The following APBA2 variants were observed in gnomAD, a reference collection of about 807,000 sequenced individuals.
APBA2 encodes the protein amyloid beta precursor protein binding family A member 2, also known as amyloid-beta A4 precursor protein-binding family A member 2.
APBA2 carries 30 observed loss-of-function variants against 75.0 expected under a neutral mutation model. That is an observed-to-expected ratio of 0.40 (90% CI 0.30 to 0.54). APBA2 has a LOEUF of 0.54. APBA2 is among the 20% of genes least tolerant of loss of function. The pLI, the probability that APBA2 is intolerant of heterozygous loss-of-function variation, is 0.49. For synonymous variants in APBA2, 444 were observed against 409.6 expected, an observed-to-expected ratio of 1.08 and a Z score of -1.01; for missense variants, 801 against 1,016.1, an observed-to-expected ratio of 0.79 and a Z score of 2.88.
At chr15:29,029,654 G>A (rs890567189) in intron 3 of APBA2, among the ~76,000 whole-genome samples, 10 of 152,052 alleles carry the variant, frequency 6.6e-5, no homozygotes, top group Non-Finnish European at 1.5e-4. Context: ...GTTCTGTGTG[G>A]TATCGTGGGG....
chr15:29,117,947 T>C lies in APBA2; in HGVS notation c.*814T>C, dbSNP rs1461695038. ...ATCGATCTACACACATCCACGCACA[T>C]GCGACCCCGAGGAAACGAAACCCAC... On this transcript the variant is annotated 3_prime_UTR_variant, in exon 15 of 15. Coordinates refer to ENST00000683413, the MANE Select transcript of APBA2 (RefSeq NM_001353788.2). 6 of 151,588 alleles carry C rather than the reference T, an allele frequency of 4.0e-5. No individual in the cohort carries two copies. Among genetic ancestry groups the C allele is most frequent in the Admixed American group, 3.3e-4 (5 of 15,176 alleles). The allele number at this position is 151,588 out of a possible 1,614,324, so 9.4% of individuals were successfully genotyped here.
At chr15:29,027,082 T>A (rs1458187829) in intron 3 of APBA2, among the ~76,000 whole-genome samples, 1 of 152,260 alleles carries the variant, frequency 6.6e-6, no homozygotes, top group Non-Finnish European at 1.5e-5. Flanking sequence ...ACGTGTTAGT[T>A]TTTAATGCTA....
At chr15:29,039,898 C>T (rs59165345) in intron 3 of APBA2, among the ~76,000 whole-genome samples, 32,298 of 152,040 alleles carry the variant, frequency 0.21, 4,333 homozygotes, top group East Asian at 0.44. Context: ...GCAACCCCAT[C>T]GGGAAGGGGG....
intron 4 of APBA2, among the ~76,000 whole-genome samples, chr15:29,068,922 T>C (rs11070421): frequency 6.6e-6 from 1 of 151,956 alleles, no homozygotes; most frequent in African/African-American, 2.4e-5. Flanking sequence ...GTGGCATTTA[T>C]CACAATGTTG....
chr15:28,948,381 G>GA (rs57863257), intron 2 of APBA2, among the ~76,000 whole-genome samples: 41,725 of 146,054 alleles, frequency 0.29, 9,252 homozygotes, highest in African/African-American at 0.6. Flanking sequence ...ATTATTTTTG[G>GA]AAAAAAAAAA....
rs146503926 is a variant in APBA2 at position 28,940,397 on chromosome 15, G to A, written c.-95+18648G>A. ...AAAAAAAAAAAAAAAATAGCGGGGC[G>A]TGGTGGCAGGCACCTGTAGTCCCAG... On this transcript the variant is annotated intron_variant, in intron 2 of 14. Transcript: ENST00000683413. Among the ~76,000 whole-genome samples the A allele has an allele frequency of 4.3e-3, 627 of 144,426 alleles. 8 individuals carry two copies. Among genetic ancestry groups the A allele is most frequent in the African/African-American group, 0.015 (593 of 39,080 alleles). The allele number at this position is 144,426 out of a possible 152,430, so 94.7% of individuals were successfully genotyped here. A position where few individuals can be genotyped will look rare whatever the true frequency, so the allele number is the denominator to read the frequency against.
chr15:29,019,111 T>C (rs1227018460), intron 3 of APBA2, among the ~76,000 whole-genome samples: 2 of 152,152 alleles, frequency 1.3e-5, no homozygotes. Context: ...GGGAAAAAAG[T>C]AAGCAGAGGA....
intron 2 of APBA2, among the ~76,000 whole-genome samples, chr15:28,925,906 T>C (rs917093607): frequency 6.6e-6 from 1 of 152,180 alleles, no homozygotes; most frequent in African/African-American, 2.4e-5. Flanking sequence ...TAAAAATTGA[T>C]TTTTCTCTCA....
At chr15:28,969,131 T>TCTTTCTTTCTTTCTTTCTTTCTTTCTTG (rs2036903708) in intron 2 of APBA2, among the ~76,000 whole-genome samples, 2 of 45,726 alleles carry the variant, frequency 4.4e-5, no homozygotes, top group African/African-American at 1.6e-3. Context: ...CATTTCTTTT[T>TCTTTCTTTCTTTCTTTCTTTCTTTCTTG]CTTTCTTTCT....
intron 6 of APBA2, among the ~76,000 whole-genome samples, chr15:29,092,345 G>A (rs996298236): frequency 6.6e-6 from 1 of 152,184 alleles, no homozygotes; most frequent in African/African-American, 2.4e-5. Context: ...GGTTGGATAT[G>A]ACTCTAACAT....
At chr15:28,903,215 C>T (rs1043154541) in intron 1 of APBA2, among the ~76,000 whole-genome samples, 6 of 152,214 alleles carry the variant, frequency 3.9e-5, no homozygotes, top group African/African-American at 1.4e-4. Context: ...ACTTGATCCC[C>T]TGATCAGCCC....
chr15:29,069,379 A>C (rs2042519430), intron 4 of APBA2, among the ~76,000 whole-genome samples: 1 of 152,218 alleles, frequency 6.6e-6, no homozygotes, highest in Non-Finnish European at 1.5e-5. Flanking sequence ...TATCACTAGG[A>C]GTGGAATTCC....
At chr15:28,953,101 G>GA (rs2035977783) in intron 2 of APBA2, among the ~76,000 whole-genome samples, 1 of 152,154 alleles carries the variant, frequency 6.6e-6, no homozygotes, top group African/African-American at 2.4e-5. Flanking sequence ...CTCCATCTGG[G>GA]TTTTGCAGGC....
At chr15:28,930,127 G>GC (rs2034485724) in intron 2 of APBA2, among the ~76,000 whole-genome samples, 1 of 152,178 alleles carries the variant, frequency 6.6e-6, no homozygotes, top group African/African-American at 2.4e-5. Flanking sequence ...TGACAGTGCA[G>GC]CCCCCCAACC....
At position 28,885,981 on chromosome 15, in the gene APBA2, C is replaced by T. The variant is rs1038953756; in HGVS notation, c.-502C>T. On this transcript the variant is annotated 5_prime_UTR_variant, in exon 1 of 15. Transcript: ENST00000683413. ...GAATCGTTTTCCGGCCCCAGTGTGC[C>T]CGGCGCGGGTGAGGCGGAAGCGGCC... is the stretch of plus-strand genomic sequence containing the variant. 2 of 151,220 alleles carry T rather than the reference C, an allele frequency of 1.3e-5. No individual in the cohort carries two copies. The highest frequency in any genetic ancestry group is 2.4e-5 in the African/African-American group (1 of 41,314). 9.4% of individuals were successfully genotyped at this position (151,220 alleles called of 1,614,324 possible). A position where few individuals can be genotyped will look rare whatever the true frequency, so the allele number is the denominator to read the frequency against.
At chr15:28,992,393 G>A (rs2152786223) in intron 2 of APBA2, among the ~76,000 whole-genome samples, 1 of 152,322 alleles carries the variant, frequency 6.6e-6, no homozygotes, top group South Asian at 2.1e-4. Context: ...TGGAAGCATG[G>A]CATTTCAAAG....
chr15:29,067,621 T>TA (rs2042434092), intron 4 of APBA2, among the ~76,000 whole-genome samples: 1 of 152,158 alleles, frequency 6.6e-6, no homozygotes, highest in Non-Finnish European at 1.5e-5. Flanking sequence ...TGAGTGTCAT[T>TA]AAAATAAACA....
intron 3 of APBA2, among the ~76,000 whole-genome samples, chr15:28,999,284 T>C (rs1471569832): frequency 6.6e-6 from 1 of 152,194 alleles, no homozygotes; most frequent in Non-Finnish European, 1.5e-5. Flanking sequence ...AACATCAGTA[T>C]TAGCAACTTC....
At chr15:28,895,853 G>A (rs931895055) in intron 1 of APBA2, among the ~76,000 whole-genome samples, 8 of 152,070 alleles carry the variant, frequency 5.3e-5, no homozygotes, top group Non-Finnish European at 1.0e-4. Context: ...TGGTTCATGA[G>A]GTAATCCCAG....
Sources: allele counts gnomAD v4.1 joint callset (sites outside exome capture counted in the v4.1 genomes callset), GRCh38; gene constraint gnomAD v4.1.1; transcripts MANE v1.5; gene names NCBI Gene and HGNC (gene_info 2026-07-23, HGNC 2026-07-21).